WDR70: variants seen among roughly 807,000 people sequenced by gnomAD.
WDR70 encodes the protein WD repeat-containing protein 70.
A neutral mutation model predicts 88.6 loss-of-function variants in WDR70; 53 were observed. The ratio of observed to expected loss-of-function variants is 0.60; its 90% CI spans 0.48 to 0.75. The LOEUF (loss-of-function observed/expected upper bound fraction) is 0.75. WDR70 is among the 30% of genes least tolerant of loss of function. The pLI is 0.00. For synonymous variants in WDR70, 280 were observed against 270.0 expected (o/e 1.04, Z -0.36); for missense variants, 610 against 823.2 (o/e 0.74, Z 3.17).
chr5:37,703,091 C>T lies in WDR70; in HGVS notation c.1416+4C>T, dbSNP rs757169660. 17 of 1,600,024 alleles carry T rather than the reference C, an allele frequency of 1.1e-5. No individual in the cohort carries two copies. Among genetic ancestry groups the T allele is most frequent in the Non-Finnish European group, 1.2e-5 (14 of 1,168,406 alleles). Reference sequence around the variant, plus strand: ...TGAAATAGACATCACAGATGCGGTACGTATATTCTTTTCTCCTCAGCCTTG... The same window carrying T: ...TGAAATAGACATCACAGATGCGGTATGTATATTCTTTTCTCCTCAGCCTTG... On this transcript the variant is annotated splice_donor_region_variant and intron_variant, in intron 13 of 17. Transcript: ENST00000265107.
chr5:37,466,950 T>C (rs182336028), intron 7 of WDR70, among the ~76,000 whole-genome samples: 112 of 151,746 alleles, frequency 7.4e-4, no homozygotes, highest in African/African-American at 2.7e-3. Flanking sequence ...ACAGTAGATA[T>C]TTTGACCAGG....
At chr5:37,576,974 G>A (rs184086460) in intron 9 of WDR70, among the ~76,000 whole-genome samples, 3 of 152,286 alleles carry the variant, frequency 2.0e-5, no homozygotes, top group African/African-American at 4.8e-5. Flanking sequence ...CAGGACACTC[G>A]TGGCAAGTTG....
chr5:37,446,426 T>G (rs1243589610), intron 7 of WDR70, among the ~76,000 whole-genome samples: 3 of 152,086 alleles, frequency 2.0e-5, no homozygotes, highest in Admixed American at 6.6e-5. Context: ...CTTCATAGAA[T>G]TGGAAAAAAC....
intron 5 of WDR70, among the ~76,000 whole-genome samples, chr5:37,435,224 C>T (rs756729848): frequency 5.3e-5 from 8 of 152,072 alleles, no homozygotes; most frequent in African/African-American, 9.7e-5. Flanking sequence ...AATTTTCATC[C>T]TATCTTTTTG....
At chr5:37,712,800 C>T (rs1747549305) in intron 13 of WDR70, among the ~76,000 whole-genome samples, 1 of 152,062 alleles carries the variant, frequency 6.6e-6, no homozygotes, top group South Asian at 2.1e-4. Context: ...CTCCTGGGTT[C>T]GAGTGATTCT....
chr5:37,605,283 CTTAGA>C, intron 10 of WDR70, 45 bp downstream of exon 10: 1 of 1,531,636 alleles, frequency 6.5e-7, no homozygotes, highest in Non-Finnish European at 8.8e-7. Flanking sequence ...TAAATCTTTC[CTTAGA>C]AGATGGCCAC....
At position 37,719,137 on chromosome 5, in the gene WDR70, A is replaced by G. The variant is rs140165504; in HGVS notation, c.1417-1978A>G. On this transcript the variant is annotated intron_variant, in intron 13 of 17. Coordinates refer to ENST00000265107, the MANE Select transcript of WDR70 (RefSeq NM_018034.4). ...TGTGACTCTCCTTATGTTTCCATATACCTGGCTGTGGCCATCTGGGAATTT... is the reference window on the plus strand; with the variant it reads ...TGTGACTCTCCTTATGTTTCCATATGCCTGGCTGTGGCCATCTGGGAATTT... Among the ~76,000 whole-genome samples the G allele has an allele frequency of 3.4e-4, 51 of 152,192 alleles. 1 individual carries two copies. The East Asian group carries it at 9.1e-3, about 27-fold the overall frequency.
intron 10 of WDR70, among the ~76,000 whole-genome samples, chr5:37,665,554 C>A (rs1745814949): frequency 6.6e-6 from 1 of 152,174 alleles, no homozygotes; most frequent in South Asian, 2.1e-4. Context: ...CAGCAAACAA[C>A]CCCCAAAAGT....
chr5:37,648,441 A>G (rs960032343), intron 10 of WDR70, among the ~76,000 whole-genome samples: 1 of 152,122 alleles, frequency 6.6e-6, no homozygotes, highest in South Asian at 2.1e-4. Flanking sequence ...AGTGATGATC[A>G]CTATGATTAT....
intron 7 of WDR70, among the ~76,000 whole-genome samples, chr5:37,472,246 C>A (rs1478590570): frequency 6.6e-6 from 1 of 151,898 alleles, no homozygotes; most frequent in Non-Finnish European, 1.5e-5. Context: ...AACAAATATA[C>A]CCATCTCCTC....
chr5:37,390,242 T>G (rs1319531155), intron 3 of WDR70, among the ~76,000 whole-genome samples: 2 of 80,748 alleles, frequency 2.5e-5, no homozygotes, highest in African/African-American at 5.2e-5. Flanking sequence ...AAAATTAATG[T>G]AGTAGTTTTT....
chr5:37,529,610 AT>A, intron 9 of WDR70, among the ~76,000 whole-genome samples: 1 of 151,722 alleles, frequency 6.6e-6, no homozygotes, highest in South Asian at 2.1e-4. Context: ...TGAGTTCTTG[AT>A]TTGATTCTGA....
At chr5:37,657,246 G>A (rs1745579928) in intron 10 of WDR70, among the ~76,000 whole-genome samples, 1 of 152,166 alleles carries the variant, frequency 6.6e-6, no homozygotes, top group Non-Finnish European at 1.5e-5. Context: ...TTGGCCAGGG[G>A]AGGTAGTTTC....
rs374327456 is a variant in WDR70, at chr5:37,504,614, T to C, written c.841-11900T>C. ...ACAATACTTTCTGTCTTGGTAAAAG[T>C]AATAAAGCAAAGAAAATAATTCATT... is the stretch of plus-strand genomic sequence containing the variant. On this transcript the variant is annotated intron_variant, in intron 8 of 17. Transcript: ENST00000265107. Among the ~76,000 whole-genome samples, 29 of 152,352 alleles carry C rather than the reference T, an allele frequency of 1.9e-4. 1 individual carries two copies. The East Asian group carries it at 5.0e-3, about 26-fold the overall frequency.
chr5:37,644,707 G>C (rs1457039788), intron 10 of WDR70, among the ~76,000 whole-genome samples: 1 of 151,854 alleles, frequency 6.6e-6, no homozygotes, highest in South Asian at 2.1e-4. Flanking sequence ...GTCTTGGTAA[G>C]GGTTATGTAT....
chr5:37,415,347 A>T (rs1356258767), intron 5 of WDR70, among the ~76,000 whole-genome samples: 1 of 143,798 alleles, frequency 7.0e-6, no homozygotes, highest in African/African-American at 2.5e-5. Flanking sequence ...CTCACTTCCC[A>T]GTAGGGGCGG....
At chr5:37,494,522 T>C (rs560583183) in intron 8 of WDR70, among the ~76,000 whole-genome samples, 1 of 152,306 alleles carries the variant, frequency 6.6e-6, no homozygotes, top group South Asian at 2.1e-4. Context: ...AAAAGGACAC[T>C]CAGGATTATG....
At chr5:37,714,580 C>T (rs1747605434) in intron 13 of WDR70, among the ~76,000 whole-genome samples, 2 of 152,170 alleles carry the variant, frequency 1.3e-5, no homozygotes, top group Non-Finnish European at 2.9e-5. Flanking sequence ...TCTTGATACA[C>T]CTACCATATC....
In WDR70 at chr5:37,675,848, T is replaced by G. The variant is rs570060950; in HGVS notation, c.1093-21807T>G. 4.4e-4 allele frequency among the ~76,000 whole-genome samples: 67 copies of G among 152,142 alleles called. 1 individual carries two copies. The South Asian group carries it at 5.2e-3, about 12-fold the overall frequency. ...GCAGTATGGCCATTTTCACGATATTTATTCTTCCTACCCATGAGCATGGAA... is the reference window on the plus strand; with the variant it reads ...GCAGTATGGCCATTTTCACGATATTGATTCTTCCTACCCATGAGCATGGAA... On this transcript the variant is annotated intron_variant, in intron 10 of 17. Coordinates refer to ENST00000265107, the MANE Select transcript of WDR70 (RefSeq NM_018034.4).
Sources: allele counts gnomAD v4.1 joint callset (sites outside exome capture counted in the v4.1 genomes callset), GRCh38; gene constraint gnomAD v4.1.1; transcripts MANE v1.5; gene names NCBI Gene and HGNC (gene_info 2026-07-23, HGNC 2026-07-21).